TBC1D19: variants seen among roughly 807,000 people sequenced by gnomAD.
TBC1D19 encodes the protein TBC1 domain family member 19.
Under a neutral mutation model 89.0 loss-of-function variants are expected in TBC1D19, and 60 were observed. The ratio of observed to expected loss-of-function variants is 0.67; its 90% CI spans 0.55 to 0.84. The LOEUF (loss-of-function observed/expected upper bound fraction) is 0.84. Among genes scored for constraint, TBC1D19 ranks in the 40% least tolerant of loss-of-function variants. TBC1D19 has a pLI of 0.00. For synonymous variants in TBC1D19, 189 were observed against 199.7 expected (o/e 0.95, Z 0.45); for missense variants, 500 against 610.8 (o/e 0.82, Z 1.91).
intron 11 of TBC1D19, among the ~76,000 whole-genome samples, chr4:26,681,598 G>T (rs773362114): frequency 3.9e-5 from 6 of 151,936 alleles, no homozygotes; most frequent in Non-Finnish European, 7.4e-5. Flanking sequence ...TCCTGCCTTT[G>T]CCAATTTATT....
the TBC1D19 span, among the ~76,000 whole-genome samples, chr4:26,764,233 T>C: frequency 1.2e-4 from 19 of 152,302 alleles, no homozygotes; most frequent in South Asian, 3.9e-3. Context: ...GAATGAATTA[T>C]ATTATTGATG....
the TBC1D19 span, among the ~76,000 whole-genome samples, chr4:26,830,534 A>AT: frequency 4.7e-4 from 72 of 152,010 alleles, no homozygotes; most frequent in Middle Eastern, 6.8e-3. Context: ...TATTTCTGGG[A>AT]TTTTTTTCCC....
At chr4:26,604,873 G>T (rs957425705) in intron 1 of TBC1D19, among the ~76,000 whole-genome samples, 3 of 120,564 alleles carry the variant, frequency 2.5e-5, no homozygotes, top group African/African-American at 9.3e-5. Context: ...GACAGAGCGA[G>T]AATCCATCTC....
chr4:26,628,684 C>G (rs1236691621), intron 4 of TBC1D19, among the ~76,000 whole-genome samples: 3 of 151,994 alleles, frequency 2.0e-5, no homozygotes, highest in South Asian at 4.1e-4. Flanking sequence ...AATCAACGTA[C>G]AAAAATCACA....
intron 1 of TBC1D19, among the ~76,000 whole-genome samples, chr4:26,602,633 G>C (rs1026932640): frequency 3.3e-5 from 5 of 151,614 alleles, no homozygotes; most frequent in African/African-American, 1.2e-4. Flanking sequence ...GTAGAGACGG[G>C]GTTTCACCGT....
chr4:26,581,945 A>T (rs1362050918), upstream of TBC1D19, among the ~76,000 whole-genome samples: 3 of 152,206 alleles, frequency 2.0e-5, no homozygotes, highest in Non-Finnish European at 4.4e-5. Context: ...GTATGTAAAA[A>T]ACAATTTAAA....
At chr4:26,616,293 G>A (rs185694113) in intron 3 of TBC1D19, among the ~76,000 whole-genome samples, 19 of 152,226 alleles carry the variant, frequency 1.2e-4, no homozygotes, top group Admixed American at 1.2e-3. Context: ...GGGGCAGTAT[G>A]TTCAGTTTAT....
intron 1 of TBC1D19, among the ~76,000 whole-genome samples, chr4:26,585,535 G>A (rs1739358711): frequency 6.6e-6 from 1 of 151,610 alleles, no homozygotes; most frequent in East Asian, 1.9e-4. Context: ...TCTATATGAT[G>A]TAAGTCTTTA....
At chr4:26,853,569 G>A in the TBC1D19 span, among the ~76,000 whole-genome samples, 2 of 151,614 alleles carry the variant, frequency 1.3e-5, no homozygotes, top group African/African-American at 2.4e-5. Flanking sequence ...ACAGAGTCTC[G>A]CTCCGTCGCC....
At chr4:26,749,607 C>G (rs1224003071) in intron 19 of TBC1D19, among the ~76,000 whole-genome samples, 1 of 151,976 alleles carries the variant, frequency 6.6e-6, no homozygotes, top group Admixed American at 6.6e-5. Context: ...CCACCACACT[C>G]AGGTAATTTT....
chr4:26,751,626 T>C (rs1365184748), intron 19 of TBC1D19, among the ~76,000 whole-genome samples: 2 of 152,242 alleles, frequency 1.3e-5, no homozygotes, highest in Non-Finnish European at 2.9e-5. Context: ...TCCAGCTGAC[T>C]TGACTTTTAA....
chr4:26,744,856 C>T (rs966955297), intron 18 of TBC1D19, among the ~76,000 whole-genome samples: 2 of 152,096 alleles, frequency 1.3e-5, no homozygotes, highest in African/African-American at 4.8e-5. Flanking sequence ...GGCAGAATGT[C>T]ATATAAATGT....
chr4:26,699,777 A>C (rs1489930161), intron 13 of TBC1D19, among the ~76,000 whole-genome samples: 1 of 144,096 alleles, frequency 6.9e-6, no homozygotes, highest in Admixed American at 7.2e-5. Flanking sequence ...AAAACCAAAC[A>C]CCACATGTTC....
At chr4:26,663,680 T>G (rs1711538834) in intron 8 of TBC1D19, among the ~76,000 whole-genome samples, 2 of 152,194 alleles carry the variant, frequency 1.3e-5, no homozygotes, top group South Asian at 4.1e-4. Flanking sequence ...AGAGTATAGT[T>G]AGTCCTTTTA....
the TBC1D19 span, among the ~76,000 whole-genome samples, chr4:26,781,798 A>ATT: frequency 6.8e-6 from 1 of 146,612 alleles, no homozygotes; most frequent in African/African-American, 2.5e-5. Flanking sequence ...ATCAAGGTTG[A>ATT]TTTTTTTTTT....
chr4:26,594,675 C>T (rs1284393785), intron 1 of TBC1D19, among the ~76,000 whole-genome samples: 3 of 152,184 alleles, frequency 2.0e-5, no homozygotes, highest in Non-Finnish European at 2.9e-5. Flanking sequence ...TCTCCCTGCA[C>T]AGATCTCCCC....
the TBC1D19 span, among the ~76,000 whole-genome samples, chr4:26,803,012 G>A: frequency 4.6e-5 from 7 of 152,148 alleles, no homozygotes; most frequent in African/African-American, 1.7e-4. Context: ...TCCCATTTAT[G>A]AAGGCTCTAG....
intron 15 of TBC1D19, among the ~76,000 whole-genome samples, chr4:26,724,928 C>T (rs1011441685): frequency 6.6e-6 from 1 of 152,170 alleles, no homozygotes; most frequent in Non-Finnish European, 1.5e-5. Context: ...GTGGCTGCAG[C>T]TAGTATATAT....
At chr4:26,849,905 T>C in the TBC1D19 span, among the ~76,000 whole-genome samples, 1 of 152,178 alleles carries the variant, frequency 6.6e-6, no homozygotes, top group African/African-American at 2.4e-5. Context: ...CCAACTTACG[T>C]AGAAAGTTTT....
Sources: gnomAD v4.1 joint callset for allele counts (sites outside exome capture counted in the v4.1 genomes callset) on GRCh38, gnomAD v4.1.1 for gene constraint, MANE v1.5 for transcripts, NCBI Gene and HGNC (gene_info 2026-07-23, HGNC 2026-07-21) for gene names.